The following PLPPR1 variants were observed in gnomAD, a reference collection of about 807,000 sequenced individuals.
PLPPR1 encodes the protein phospholipid phosphatase related 1.
Under a neutral mutation model 33.1 loss-of-function variants are expected in PLPPR1, and 10 were observed. The observed-to-expected ratio is 0.30, with a 90% CI of 0.19 to 0.51. PLPPR1 has a LOEUF of 0.51. PLPPR1 is among the 20% of genes least tolerant of loss of function. The probability of loss-of-function intolerance (pLI) is 0.97; values close to 1 mark genes in which losing one functional copy is unlikely to be tolerated. For synonymous variants in PLPPR1, 151 were observed against 151.0 expected (o/e 1.00, Z 0.00); for missense variants, 304 against 408.1 (o/e 0.74, Z 2.20).
At chr9:101,040,298 C>G (rs1174436121) in intron 1 of PLPPR1, among the ~76,000 whole-genome samples, 1 of 152,116 alleles carries the variant, frequency 6.6e-6, no homozygotes, top group African/African-American at 2.4e-5. Flanking sequence ...CATATATATG[C>G]TTGCACAGAA....
chr9:101,262,215 A>G (rs1046696361), intron 2 of PLPPR1, among the ~76,000 whole-genome samples: 3 of 152,212 alleles, frequency 2.0e-5, no homozygotes, highest in Non-Finnish European at 2.9e-5. Context: ...CTTCATGATA[A>G]TCTGAAGCAT....
intron 2 of PLPPR1, among the ~76,000 whole-genome samples, chr9:101,188,726 A>G (rs1005397774): frequency 6.6e-6 from 1 of 152,064 alleles, no homozygotes; most frequent in African/African-American, 2.4e-5. Flanking sequence ...GTTAAAAATT[A>G]TATTTCTTTT....
chr9:101,150,360 T>C (rs935407584), intron 1 of PLPPR1, among the ~76,000 whole-genome samples: 2 of 152,178 alleles, frequency 1.3e-5, no homozygotes, highest in Admixed American at 1.3e-4. Flanking sequence ...CTTGCTTTAG[T>C]TTTGTAGTTT....
In PLPPR1 at chr9:101,228,106, G is replaced by A. The variant is rs535557648; in HGVS notation, c.64-41774G>A. Among the ~76,000 whole-genome samples, 3 of 152,252 alleles carry A rather than the reference G, an allele frequency of 2.0e-5. No homozygotes were observed. In the South Asian group the frequency reaches 6.2e-4, roughly 32 times the overall value. On this transcript the variant is annotated intron_variant, in intron 2 of 7. Coordinates refer to ENST00000374874, the MANE Select transcript of PLPPR1 (RefSeq NM_207299.2). ...CTTTCCTTTTAACTCAGATCAATCT[G>A]ACAAATTCAAGATGACTGCCTAGGA...
intron 1 of PLPPR1, among the ~76,000 whole-genome samples, chr9:101,154,748 G>T (rs1185691468): frequency 6.6e-6 from 1 of 152,016 alleles, no homozygotes; most frequent in Non-Finnish European, 1.5e-5. Flanking sequence ...TTAAGAAAAT[G>T]TGGCACATAT....
At chr9:101,282,427 C>G (rs533478258) in intron 3 of PLPPR1, among the ~76,000 whole-genome samples, 26 of 152,192 alleles carry the variant, frequency 1.7e-4, no homozygotes, top group African/African-American at 6.0e-4. Flanking sequence ...ACAATAGAGG[C>G]CATATGTGGT....
chr9:101,130,174 A>G (rs899571151), intron 1 of PLPPR1, among the ~76,000 whole-genome samples: 1 of 152,180 alleles, frequency 6.6e-6, no homozygotes. Flanking sequence ...TGTCAATTAT[A>G]CCTCATGAAG....
At chr9:101,228,078 C>T (rs566514299) in intron 2 of PLPPR1, among the ~76,000 whole-genome samples, 6 of 152,278 alleles carry the variant, frequency 3.9e-5, no homozygotes, top group South Asian at 2.1e-4. Context: ...TGCTTTCAGC[C>T]GGCTTTCCTT....
chr9:101,248,074 T>A (rs892611538), intron 2 of PLPPR1, among the ~76,000 whole-genome samples: 3 of 152,036 alleles, frequency 2.0e-5, no homozygotes, highest in African/African-American at 7.2e-5. Flanking sequence ...GGGTGAGGTA[T>A]AAGGTGTCAG....
chr9:101,215,969 T>C (rs1826786177), intron 2 of PLPPR1, among the ~76,000 whole-genome samples: 1 of 152,202 alleles, frequency 6.6e-6, no homozygotes, highest in Non-Finnish European at 1.5e-5. Context: ...AGCTATCTCT[T>C]TGATATACTG....
chr9:101,092,785 G>A (rs1247218213), intron 1 of PLPPR1, among the ~76,000 whole-genome samples: 1 of 151,876 alleles, frequency 6.6e-6, no homozygotes, highest in African/African-American at 2.4e-5. Flanking sequence ...CCTGATTCTC[G>A]CTGTGATGGT....
intron 2 of PLPPR1, among the ~76,000 whole-genome samples, chr9:101,194,595 C>CA (rs1223282726): frequency 4.0e-5 from 6 of 151,802 alleles, no homozygotes; most frequent in Admixed American, 3.9e-4. Flanking sequence ...ACTAAAAATA[C>CA]AAAAAATTAG....
chr9:101,273,131 T>C (rs1485270176), intron 3 of PLPPR1, among the ~76,000 whole-genome samples: 1 of 152,214 alleles, frequency 6.6e-6, no homozygotes, highest in African/African-American at 2.4e-5. Context: ...GTATGCAGTA[T>C]TGTGGGTAAG....
intron 2 of PLPPR1, among the ~76,000 whole-genome samples, chr9:101,202,646 T>C (rs1826514921): frequency 6.6e-6 from 1 of 152,166 alleles, no homozygotes; most frequent in Non-Finnish European, 1.5e-5. Flanking sequence ...GGAAAAGAAA[T>C]GAAGCTGATA....
chr9:101,314,725 A>C (rs1304899754), intron 6 of PLPPR1, among the ~76,000 whole-genome samples: 3 of 150,890 alleles, frequency 2.0e-5, no homozygotes, highest in Non-Finnish European at 1.5e-5. Context: ...GACTTGCTGG[A>C]CAGTGTTGTC....
In PLPPR1 at chr9:101,029,049, C is replaced by T. The variant is rs1829905545; in HGVS notation, c.-99C>T. On this transcript the variant is annotated 5_prime_UTR_variant, in exon 1 of 8. Coordinates refer to ENST00000374874, the MANE Select transcript of PLPPR1 (RefSeq NM_207299.2). ...GACCGCCGCCTGAATGTACCTCGCT[C>T]CCGGGAGCCGGACGGCCCAGTAGGG... The T allele has an allele frequency of 2.0e-5, 3 of 152,708 alleles. No homozygotes were observed. The highest frequency in any genetic ancestry group is 2.0e-4 in the Admixed American group (3 of 15,294). 9.5% of individuals were successfully genotyped at this position (152,708 alleles called of 1,614,324 possible).
At chr9:101,112,972 A>T (rs1831074541) in intron 1 of PLPPR1, among the ~76,000 whole-genome samples, 1 of 152,220 alleles carries the variant, frequency 6.6e-6, no homozygotes, top group South Asian at 2.1e-4. Context: ...GCAGCTTAAA[A>T]GATGGATTCT....
At chr9:101,167,141 G>GTGTGTGTGTGTGT in intron 1 of PLPPR1, among the ~76,000 whole-genome samples, 1 of 39,744 alleles carries the variant, frequency 2.5e-5, no homozygotes. Flanking sequence ...TATGTCTCTC[G>GTGTGTGTGTGTGT]GTGTGTGTGT....
At chr9:101,156,241 T>C (rs963497128) in intron 1 of PLPPR1, among the ~76,000 whole-genome samples, 1 of 152,118 alleles carries the variant, frequency 6.6e-6, no homozygotes, top group African/African-American at 2.4e-5. Flanking sequence ...AGAGGTTTTC[T>C]AGCTAATGTT....
Sources: allele counts gnomAD v4.1 joint callset (sites outside exome capture counted in the v4.1 genomes callset), GRCh38; gene constraint gnomAD v4.1.1; transcripts MANE v1.5; gene names NCBI Gene and HGNC (gene_info 2026-07-23, HGNC 2026-07-21).